The following SSBP3 variants were observed in gnomAD, a reference collection of about 807,000 sequenced individuals.
SSBP3 encodes single-stranded DNA-binding protein 3.
A neutral mutation model predicts 69.6 loss-of-function variants in SSBP3; 5 were observed. The observed-to-expected ratio is 0.07, with a 90% CI of 0.04 to 0.15. The LOEUF (loss-of-function observed/expected upper bound fraction) is 0.15, where lower values mean the gene tolerates loss of function less well. Ranked by LOEUF, SSBP3 falls within the 10% of genes least tolerant of loss-of-function variation. The probability of loss-of-function intolerance (pLI) is 1.00; values close to 1 mark genes in which losing one functional copy is unlikely to be tolerated. For missense variants in SSBP3, 312 were observed against 534.0 expected (o/e 0.58, Z 4.10); for synonymous variants, 196 against 193.4 (o/e 1.01, Z -0.11).
At chr1:54,304,417 G>A (rs890585637) in intron 4 of SSBP3, among the ~76,000 whole-genome samples, 24 of 150,934 alleles carry the variant, frequency 1.6e-4, no homozygotes, top group African/African-American at 5.6e-4. Flanking sequence ...GGGGAGGGGG[G>A]CTCTCCTCCA....
intron 4 of SSBP3, among the ~76,000 whole-genome samples, chr1:54,301,485 T>G (rs1645800015): frequency 6.6e-6 from 1 of 152,142 alleles, no homozygotes; most frequent in South Asian, 2.1e-4. Flanking sequence ...CATCCCTGTT[T>G]CCATAGAGGC....
upstream of SSBP3, among the ~76,000 whole-genome samples, chr1:54,409,142 C>T (rs184002184): frequency 1.3e-5 from 2 of 152,250 alleles, no homozygotes; most frequent in South Asian, 2.1e-4. Flanking sequence ...CCCTCTGGAT[C>T]CCCCCAGGCC....
At chr1:54,241,128 A>C (rs943432052) in intron 12 of SSBP3, among the ~76,000 whole-genome samples, 169 bp from the exon 13 acceptor site, 24 of 152,130 alleles carry the variant, frequency 1.6e-4, no homozygotes, top group Non-Finnish European at 2.9e-5. Context: ...TGAGAAGGGG[A>C]CCTGGATGTC....
At chr1:54,373,691 C>T (rs1222313028) in intron 4 of SSBP3, among the ~76,000 whole-genome samples, 2 of 151,084 alleles carry the variant, frequency 1.3e-5, no homozygotes, top group African/African-American at 2.4e-5. Context: ...TGCTTGAGCC[C>T]GGGAGGTGGA....
intron 4 of SSBP3, among the ~76,000 whole-genome samples, chr1:54,313,222 A>C (rs1646036116): frequency 6.6e-6 from 1 of 151,952 alleles, no homozygotes; most frequent in Non-Finnish European, 1.5e-5. Context: ...AATCGGGGTA[A>C]TCAATCCTGT....
intron 14 of SSBP3, among the ~76,000 whole-genome samples, chr1:54,230,444 T>C (rs970044311): frequency 6.6e-6 from 1 of 152,234 alleles, no homozygotes; most frequent in African/African-American, 2.4e-5. Flanking sequence ...GTCGCTACTT[T>C]AACATCAATG....
Position 54,398,320 on chromosome 1 carries a change from T to C in SSBP3, c.276+3541A>G, listed in dbSNP as rs140005872. On this transcript the variant is annotated intron_variant, in intron 4 of 17. Transcript: ENST00000610401. ...CAGGTATGTGTAGTGTAAGAATCCA[T>C]TGCTATTCTCTAGTCTCTTTGGCTC... Among the ~76,000 whole-genome samples, 708 of 152,356 alleles carry C rather than the reference T, an allele frequency of 4.6e-3. 20 individuals are homozygous for C. The highest frequency in any genetic ancestry group is 0.041 in the South Asian group (196 of 4,826).
intron 9 of SSBP3, among the ~76,000 whole-genome samples, chr1:54,248,280 G>GC (rs1644767471): frequency 6.6e-6 from 1 of 152,214 alleles, no homozygotes; most frequent in South Asian, 2.1e-4. Context: ...CTTCCTGACA[G>GC]CCCGGGCTGT....
intron 4 of SSBP3, among the ~76,000 whole-genome samples, chr1:54,328,394 G>C (rs1646349179): frequency 6.6e-6 from 1 of 152,178 alleles, no homozygotes; most frequent in Admixed American, 6.5e-5. Context: ...CAGGGCTCTG[G>C]TCCTGGCTCT....
rs1165558136 is a variant in SSBP3, at chr1:54,370,746, C to CAA, written c.276+31113_276+31114dup. Among the ~76,000 whole-genome samples the CAA allele has an allele frequency of 3.3e-5, 5 of 152,258 alleles. No homozygotes were observed. In the East Asian group the frequency reaches 9.6e-4, roughly 29 times the overall value. On this transcript the variant is annotated intron_variant, in intron 4 of 17. Transcript: ENST00000610401. ...TGTAAGGGATTACAGTTCTTCTCCA[C>CAA]AAGAGTGGCCCTCAGGCACTACATG...
In SSBP3 at chr1:54,331,579, G is replaced by A. The variant is rs185790600; in HGVS notation, c.277-50052C>T. ...AGGATCTCACAGGCCCAATAACAGA[G>A]CTGGAGTTCCTCTTACGTGACACAG... On this transcript the variant is annotated intron_variant, in intron 4 of 17. Transcript: ENST00000610401. Among the ~76,000 whole-genome samples, 187 of 152,326 alleles carry A rather than the reference G, an allele frequency of 1.2e-3. 1 individual carries two copies. Among genetic ancestry groups the A allele is most frequent in the African/African-American group, 4.3e-3 (177 of 41,572 alleles).
chr1:54,374,932 G>C (rs575716644), intron 4 of SSBP3, among the ~76,000 whole-genome samples: 12 of 152,298 alleles, frequency 7.9e-5, no homozygotes, highest in African/African-American at 2.6e-4. Flanking sequence ...GGGCCAGAGA[G>C]GGGGAGGGGA....
chr1:54,404,457 C>G (rs1055084424), intron 3 of SSBP3, 119 bp downstream of exon 3: 1 of 1,251,150 alleles, frequency 8.0e-7, no homozygotes, highest in East Asian at 2.4e-5. Flanking sequence ...GTGCCCCGCT[C>G]TGTGCAACGC....
intron 4 of SSBP3, among the ~76,000 whole-genome samples, chr1:54,342,188 C>G (rs560136687): frequency 6.6e-6 from 1 of 152,258 alleles, no homozygotes; most frequent in Non-Finnish European, 1.5e-5. Flanking sequence ...GCATCCAGGT[C>G]TGGAACTGGA....
At chr1:54,333,609 TG>T in intron 4 of SSBP3, among the ~76,000 whole-genome samples, 1 of 152,322 alleles carries the variant, frequency 6.6e-6, no homozygotes, top group East Asian at 1.9e-4. Context: ...ACAGGCTATC[TG>T]GGTTTAAATC....
chr1:54,404,924 A>T, exon 2 of SSBP3: 1 of 1,612,694 alleles, frequency 6.2e-7, no homozygotes, highest in Non-Finnish European at 8.5e-7. Context: ...AGACGTATAA[A>T]GCTAACCTGG....
intron 4 of SSBP3, among the ~76,000 whole-genome samples, chr1:54,325,793 T>C (rs577563938): frequency 2.2e-4 from 33 of 152,348 alleles, no homozygotes; most frequent in Non-Finnish European, 3.7e-4. Context: ...GAGGCGCTAC[T>C]GTTTTTCTCT....
chr1:54,407,111 T>G (rs973253327), upstream of SSBP3, among the ~76,000 whole-genome samples: 1 of 151,458 alleles, frequency 6.6e-6, no homozygotes. Context: ...AACCCCAAAG[T>G]GGAGCCGCGC....
At chr1:54,403,034 C>G (rs571944622) in intron 3 of SSBP3, among the ~76,000 whole-genome samples, 13 of 152,278 alleles carry the variant, frequency 8.5e-5, no homozygotes, top group Non-Finnish European at 1.6e-4. Flanking sequence ...AATAATGCAG[C>G]CTGCCCCTCA....
Sources: gnomAD v4.1 joint callset for allele counts (sites outside exome capture counted in the v4.1 genomes callset) on GRCh38, gnomAD v4.1.1 for gene constraint, MANE v1.5 for transcripts, NCBI Gene and HGNC (gene_info 2026-07-23, HGNC 2026-07-21) for gene names.